The following CREB5 variants were observed in gnomAD, a reference collection of about 807,000 sequenced individuals.
The protein encoded by CREB5 is cAMP responsive element binding protein 5.
CREB5 carries 19 observed loss-of-function variants against 57.1 expected under a neutral mutation model. The ratio of observed to expected loss-of-function variants is 0.33; its 90% CI spans 0.23 to 0.49. The LOEUF (loss-of-function observed/expected upper bound fraction) is 0.49. Ranked by LOEUF, CREB5 falls within the 20% of genes least tolerant of loss-of-function variation. The pLI is 0.99. For missense variants in CREB5, 579 were observed against 671.6 expected, an observed-to-expected ratio of 0.86 and a Z score of 1.52; for synonymous variants, 238 against 238.3, an observed-to-expected ratio of 1.00 and a Z score of 0.01.
At chr7:28,651,977 GATAA>G (rs1159326373) in intron 5 of CREB5, among the ~76,000 whole-genome samples, 1 of 152,164 alleles carries the variant, frequency 6.6e-6, no homozygotes, top group African/African-American at 2.4e-5. Context: ...TGTAAAACAG[GATAA>G]ATAATGTTTG....
At chr7:28,509,685 T>C (rs1210594768) in intron 4 of CREB5, among the ~76,000 whole-genome samples, 2 of 152,200 alleles carry the variant, frequency 1.3e-5, no homozygotes, top group Admixed American at 1.3e-4. Flanking sequence ...GTATAGATAA[T>C]TAAATTTTAA....
At chr7:28,630,219 C>A (rs28234) in intron 5 of CREB5, among the ~76,000 whole-genome samples, 2 of 152,096 alleles carry the variant, frequency 1.3e-5, no homozygotes, top group African/African-American at 4.8e-5. Context: ...TCAATCTCTT[C>A]TCCCAAATGA....
At chr7:28,727,514 T>C (rs574504105) in intron 7 of CREB5, among the ~76,000 whole-genome samples, 1 of 152,330 alleles carries the variant, frequency 6.6e-6, no homozygotes, top group African/African-American at 2.4e-5. Flanking sequence ...CCAGTCTCTA[T>C]AGCATGCAGA....
At chr7:28,673,632 GTTGAC>G (rs1318553109) in intron 5 of CREB5, among the ~76,000 whole-genome samples, 2 of 135,206 alleles carry the variant, frequency 1.5e-5, no homozygotes, top group African/African-American at 2.8e-5. Context: ...CAGAGCCCGT[GTTGAC>G]ATGAAGTTTC....
At chr7:28,534,340 G>A (rs1446067573) in intron 4 of CREB5, among the ~76,000 whole-genome samples, 1 of 152,172 alleles carries the variant, frequency 6.6e-6, no homozygotes, top group Non-Finnish European at 1.5e-5. Context: ...TGGCCTCTGT[G>A]TCTCAGCCCA....
At chr7:28,435,015 T>C (rs1788890167) in intron 1 of CREB5, among the ~76,000 whole-genome samples, 1 of 151,938 alleles carries the variant, frequency 6.6e-6, no homozygotes, top group African/African-American at 2.4e-5. Context: ...ACCTTAAGAG[T>C]AGGGACTATG....
At chr7:28,754,867 G>A (rs933382263) in intron 7 of CREB5, among the ~76,000 whole-genome samples, 2 of 152,152 alleles carry the variant, frequency 1.3e-5, no homozygotes, top group African/African-American at 4.8e-5. Flanking sequence ...CTACGCCTTT[G>A]CTTGTATCTG....
At chr7:28,496,626 T>G (rs1262732876) in intron 3 of CREB5, among the ~76,000 whole-genome samples, 1 of 152,100 alleles carries the variant, frequency 6.6e-6, no homozygotes, top group Non-Finnish European at 1.5e-5. Context: ...ACTTTGCCAC[T>G]TTATAGACAC....
chr7:28,317,546 A>T (rs1334378909), intron 1 of CREB5, among the ~76,000 whole-genome samples: 3 of 152,250 alleles, frequency 2.0e-5, no homozygotes, highest in Non-Finnish European at 4.4e-5. Flanking sequence ...AGCTAAAAGC[A>T]ATGGATTTGC....
chr7:28,580,429 C>CACACACACA (rs561890036), intron 5 of CREB5, among the ~76,000 whole-genome samples: 3 of 130,878 alleles, frequency 2.3e-5, no homozygotes, highest in Non-Finnish European at 4.9e-5. Context: ...TCCCCCCCCA[C>CACACACACA]CACACACACA....
chr7:28,804,459 T>C lies in CREB5; in HGVS notation c.963T>C (p.His321=). 1.2e-6 allele frequency: 2 copies of C among 1,614,070 alleles called. No individual in the cohort carries two copies. The stretch of plus-strand genomic sequence containing the variant: ...ATCACCACTCCCATTCCCACCTTCA[T>C]GCACACCCAGCACATCACCAGACCT... The part of the protein sequence containing the change: ...HPHHHSHSHL[H]AHPAHHQTSP... The change falls in exon 8 of 11, where the codon CAT becomes CAC. Residue 321 remains histidine (H), a synonymous_variant. Coordinates refer to ENST00000357727, the MANE Select transcript of CREB5 (RefSeq NM_182898.4).
chr7:28,781,374 A>G (rs1180941357), intron 7 of CREB5, among the ~76,000 whole-genome samples: 1 of 152,216 alleles, frequency 6.6e-6, no homozygotes, highest in Non-Finnish European at 1.5e-5. Context: ...AAAAATTTCT[A>G]AAATGTTAAT....
chr7:28,419,605 TA>T (rs1489194604), intron 1 of CREB5, among the ~76,000 whole-genome samples: 5 of 152,206 alleles, frequency 3.3e-5, no homozygotes, highest in African/African-American at 1.2e-4. Context: ...TATATGAAAA[TA>T]AATATGTATA....
intron 1 of CREB5, among the ~76,000 whole-genome samples, chr7:28,314,718 G>T (rs1005260175): frequency 6.6e-6 from 1 of 152,174 alleles, no homozygotes; most frequent in South Asian, 2.1e-4. Context: ...TCCTGAAGGG[G>T]AATCTTGCTC....
chr7:28,494,802 T>A, intron 2 of CREB5, 104 bp from the exon 3 acceptor site: 3 of 665,034 alleles, frequency 4.5e-6, no homozygotes, highest in Non-Finnish European at 7.3e-6. Flanking sequence ...TTGCCTGTCA[T>A]GTTTGCAATG....
chr7:28,633,546 A>G (rs573089749), intron 5 of CREB5, among the ~76,000 whole-genome samples: 9 of 152,320 alleles, frequency 5.9e-5, no homozygotes, highest in South Asian at 2.1e-4. Context: ...TGTTTCTTCT[A>G]TCTACAAATT....
chr7:28,449,764 G>A (rs551308946), intron 1 of CREB5, among the ~76,000 whole-genome samples: 8 of 152,196 alleles, frequency 5.3e-5, no homozygotes, highest in African/African-American at 1.2e-4. Context: ...TATTCCTAAC[G>A]TCAATGTCGA....
intron 7 of CREB5, among the ~76,000 whole-genome samples, chr7:28,763,567 T>C (rs930687286): frequency 6.6e-6 from 1 of 152,194 alleles, no homozygotes; most frequent in African/African-American, 2.4e-5. Flanking sequence ...CGAGTCTTGC[T>C]ACAACATATA....
At chr7:28,420,273 T>C (rs1788189253) in intron 1 of CREB5, among the ~76,000 whole-genome samples, 1 of 152,214 alleles carries the variant, frequency 6.6e-6, no homozygotes, top group Admixed American at 6.5e-5. Flanking sequence ...CTTTCTTTTT[T>C]CCCTTTTTTA....
Sources: gnomAD v4.1 joint callset for allele counts (sites outside exome capture counted in the v4.1 genomes callset) on GRCh38, gnomAD v4.1.1 for gene constraint, MANE v1.5 for transcripts, NCBI Gene and HGNC (gene_info 2026-07-23, HGNC 2026-07-21) for gene names.